TRMT9B: variants seen among roughly 807,000 people sequenced by gnomAD.
The protein encoded by TRMT9B is tRNA methyltransferase 9B (putative), also known as probable tRNA methyltransferase 9B.
Under a neutral mutation model 11.5 loss-of-function variants are expected in TRMT9B, and 16 were observed. The ratio of observed to expected loss-of-function variants is 1.39; its 90% CI spans 0.94 to 2.11. The LOEUF (loss-of-function observed/expected upper bound fraction) is 2.11, where lower values mean the gene tolerates loss of function less well. Among genes scored for constraint, TRMT9B ranks in the 30% most tolerant of loss-of-function variants. TRMT9B has a pLI of 0.00. For synonymous variants in TRMT9B, 274 were observed against 192.4 expected (o/e 1.42, Z -3.51); for missense variants, 941 against 553.8 (o/e 1.70, Z -7.02).
At chr8:13,018,076 A>G (rs974334491) in intron 4 of TRMT9B, among the ~76,000 whole-genome samples, 1 of 147,106 alleles carries the variant, frequency 6.8e-6, no homozygotes, top group African/African-American at 2.5e-5. Context: ...AGCATTAATA[A>G]ATGAATAAAT....
intron 1 of TRMT9B, among the ~76,000 whole-genome samples, chr8:12,954,514 C>G (rs1801047582): frequency 2.0e-5 from 3 of 152,226 alleles, no homozygotes; most frequent in African/African-American, 7.2e-5. Flanking sequence ...AGTGAAAGCT[C>G]TCATTGCGAT....
Position 13,006,196 on chromosome 8 carries a change from C to T in TRMT9B, c.-1-6C>T. 1 of 1,613,810 alleles carries T rather than the reference C, an allele frequency of 6.2e-7. No homozygotes were observed. The highest frequency in any genetic ancestry group is 2.2e-5 in the East Asian group (1 of 44,886). On this transcript the variant is annotated splice_polypyrimidine_tract_variant and splice_region_variant and intron_variant, in intron 2 of 4. Transcript: ENST00000524591. ...GCATGCCTTGGGTTGGTCCTGTTTT[C>T]TCCAGGATGGATCATGAAGCCGCCC...
Position 13,012,217 on chromosome 8 carries a change from G to C in TRMT9B, c.155-467G>C, listed in dbSNP as rs974883183. 1.1e-5 allele frequency: 11 copies of C among 985,156 alleles called. No individual in the cohort carries two copies. The African/African-American group carries it at 1.9e-4, about 17-fold the overall frequency. 61.0% of individuals were successfully genotyped at this position (985,156 alleles called of 1,614,324 possible). A position where few individuals can be genotyped will look rare whatever the true frequency, so the allele number is the denominator to read the frequency against. ...TGAGAATCTGTAAGTATTCGCCGAA[G>C]GCTTTTCTTTTGCTTTTGTGAATAC... On this transcript the variant is annotated intron_variant, in intron 3 of 4. Transcript: ENST00000524591.
intron 1 of TRMT9B, among the ~76,000 whole-genome samples, chr8:12,977,770 T>A (rs1804690229): frequency 6.6e-6 from 1 of 151,960 alleles, no homozygotes; most frequent in Admixed American, 6.6e-5. Context: ...ATCTCAACAC[T>A]TTGGGAGGCT....
chr8:12,975,191 A>T (rs936116116), intron 1 of TRMT9B, among the ~76,000 whole-genome samples: 3 of 152,122 alleles, frequency 2.0e-5, no homozygotes, highest in Non-Finnish European at 4.4e-5. Context: ...CAGATAGTTC[A>T]TCCTCATCTC....
chr8:12,965,797 G>T (rs751013683), intron 1 of TRMT9B, among the ~76,000 whole-genome samples: 1 of 152,086 alleles, frequency 6.6e-6, no homozygotes, highest in East Asian at 1.9e-4. Context: ...CAGATTGCAT[G>T]AGCTCAGTAG....
In TRMT9B at chr8:13,027,855, T is replaced by A. The variant is rs1814877380; in HGVS notation, c.*5811T>A. ...ACCAACCGTAATGCTTAACTCCTCTTGTTCCAATCTTAACTCAAAATTATG... is the reference window on the plus strand; with the variant it reads ...ACCAACCGTAATGCTTAACTCCTCTAGTTCCAATCTTAACTCAAAATTATG... On this transcript the variant is annotated 3_prime_UTR_variant, in exon 5 of 5. Coordinates refer to ENST00000524591, the MANE Select transcript of TRMT9B (RefSeq NM_020844.3). 6.0e-6 allele frequency: 1 copy of A among 167,242 alleles called. No homozygotes were observed. The highest frequency in any genetic ancestry group is 6.5e-5 in the Admixed American group (1 of 15,312). 10.4% of individuals were successfully genotyped at this position (167,242 alleles called of 1,614,324 possible).
intron 1 of TRMT9B, among the ~76,000 whole-genome samples, chr8:12,964,030 ATCT>A (rs1209918589): frequency 9.9e-5 from 15 of 152,278 alleles, no homozygotes; most frequent in Middle Eastern, 3.4e-3. Context: ...TTTGACTCTG[ATCT>A]TCTCGTACAT....
intron 1 of TRMT9B, among the ~76,000 whole-genome samples, chr8:12,965,893 G>C (rs1013994567): frequency 5.9e-5 from 9 of 151,418 alleles, no homozygotes; most frequent in Non-Finnish European, 1.2e-4. Context: ...GGCACCTGTA[G>C]TTCCAGCTAC....
chr8:12,979,953 G>A (rs1373078525), intron 1 of TRMT9B, among the ~76,000 whole-genome samples: 2 of 152,120 alleles, frequency 1.3e-5, no homozygotes, highest in African/African-American at 2.4e-5. Context: ...TAGTGAGAGT[G>A]ATGTGGCCAG....
intron 1 of TRMT9B, among the ~76,000 whole-genome samples, chr8:12,972,713 G>T (rs1190429361): frequency 6.6e-6 from 1 of 152,150 alleles, no homozygotes; most frequent in Admixed American, 6.5e-5. Context: ...TTGATAACAG[G>T]CATGGTCCCA....
At chr8:12,959,660 C>T (rs913963305) in intron 1 of TRMT9B, among the ~76,000 whole-genome samples, 1 of 151,438 alleles carries the variant, frequency 6.6e-6, no homozygotes, top group East Asian at 1.9e-4. Flanking sequence ...GCCGGGGCTA[C>T]AGGTTCACGC....
chr8:13,026,381 C>A lies in TRMT9B; in HGVS notation c.*4337C>A, dbSNP rs2128906544. 6.0e-6 allele frequency: 1 copy of A among 167,112 alleles called. No homozygotes were observed. The highest frequency in any genetic ancestry group is 1.5e-5 in the Non-Finnish European group (1 of 68,470). 10.4% of individuals were successfully genotyped at this position (167,112 alleles called of 1,614,324 possible). A position where few individuals can be genotyped will look rare whatever the true frequency, so the allele number is the denominator to read the frequency against. On this transcript the variant is annotated 3_prime_UTR_variant, in exon 5 of 5. Coordinates refer to ENST00000524591, the MANE Select transcript of TRMT9B (RefSeq NM_020844.3). ...ATCACACACTGGGACCTGTTGTGACCCCGCTGAGGGAGTTCCTCTTGCCCT... is the reference window on the plus strand; with the variant it reads ...ATCACACACTGGGACCTGTTGTGACACCGCTGAGGGAGTTCCTCTTGCCCT...
chr8:12,967,596 A>C (rs1802998285), intron 1 of TRMT9B, among the ~76,000 whole-genome samples: 1 of 152,378 alleles, frequency 6.6e-6, no homozygotes, highest in African/African-American at 2.4e-5. Context: ...CTAATAATTA[A>C]ATGCATCCTT....
In TRMT9B at chr8:13,003,021, A is replaced by T. The variant is rs553865729; in HGVS notation, c.-1-3181A>T. On this transcript the variant is annotated intron_variant, in intron 2 of 4. Transcript: ENST00000524591. ...CTCAGAGCCAGATTCCATTCTCACT[A>T]TGTGTATTTATTTGATCATTTGCTG... is the stretch of plus-strand genomic sequence containing the variant. Among the ~76,000 whole-genome samples, 3 of 152,138 alleles carry T rather than the reference A, an allele frequency of 2.0e-5. No individual in the cohort carries two copies. In the South Asian group the frequency reaches 6.2e-4, roughly 32 times the overall value.
At chr8:12,964,106 A>C (rs1802498395) in intron 1 of TRMT9B, among the ~76,000 whole-genome samples, 1 of 152,242 alleles carries the variant, frequency 6.6e-6, no homozygotes. Flanking sequence ...TTTTATGATC[A>C]AGGTAGAATA....
At chr8:12,983,910 C>CT (rs574514228) in intron 1 of TRMT9B, among the ~76,000 whole-genome samples, 1 of 152,050 alleles carries the variant, frequency 6.6e-6, no homozygotes, top group Non-Finnish European at 1.5e-5. Context: ...ACCCTGAACA[C>CT]TTTTTTTAAA....
intron 4 of TRMT9B, among the ~76,000 whole-genome samples, chr8:13,017,709 G>C (rs1335619517): frequency 6.7e-6 from 1 of 150,336 alleles, no homozygotes; most frequent in East Asian, 2.0e-4. Flanking sequence ...TGCCTCCTGG[G>C]CTCTAGAGAT....
chr8:12,984,062 G>C (rs1328728514), intron 1 of TRMT9B, among the ~76,000 whole-genome samples: 1 of 152,198 alleles, frequency 6.6e-6, no homozygotes, highest in Non-Finnish European at 1.5e-5. Flanking sequence ...TTGTCCACAT[G>C]GGTGGCTGAG....
Sources: gnomAD v4.1 joint callset for allele counts (sites outside exome capture counted in the v4.1 genomes callset) on GRCh38, gnomAD v4.1.1 for gene constraint, MANE v1.5 for transcripts, NCBI Gene and HGNC (gene_info 2026-07-23, HGNC 2026-07-21) for gene names.